Variants in PRR16 observed in about 807,000 individuals in gnomAD.
The protein encoded by PRR16 is protein Largen.
PRR16 carries 6 observed loss-of-function variants against 18.2 expected under a neutral mutation model. The ratio of observed to expected loss-of-function variants is 0.33; its 90% CI spans 0.18 to 0.65. The LOEUF (loss-of-function observed/expected upper bound fraction) is 0.65. PRR16 is among the 30% of genes least tolerant of loss of function. PRR16 has a pLI of 0.74. For synonymous variants in PRR16, 151 were observed against 147.8 expected (o/e 1.02, Z -0.16); for missense variants, 412 against 376.6 (o/e 1.09, Z -0.78).
chr5:120,469,805 G>T (rs954529839), intron 1 of PRR16, among the ~76,000 whole-genome samples: 2 of 152,128 alleles, frequency 1.3e-5, no homozygotes, highest in African/African-American at 4.8e-5. Context: ...TGATGGCCTA[G>T]CAGTTACCAA....
intron 1 of PRR16, among the ~76,000 whole-genome samples, chr5:120,479,031 T>C (rs975023942): frequency 1.3e-5 from 2 of 151,724 alleles, no homozygotes; most frequent in African/African-American, 4.8e-5. Context: ...AGAAATTAGG[T>C]AATATCACTC....
the PRR16 span, among the ~76,000 whole-genome samples, chr5:120,735,959 T>C: frequency 1.3e-5 from 2 of 152,180 alleles, no homozygotes; most frequent in East Asian, 3.9e-4. Context: ...TTAGGCCTTA[T>C]ATATTTTTAA....
At chr5:120,679,503 A>G (rs1256711938) in intron 1 of PRR16, among the ~76,000 whole-genome samples, 1 of 152,146 alleles carries the variant, frequency 6.6e-6, no homozygotes, top group Non-Finnish European at 1.5e-5. Context: ...TTCCTTTTCT[A>G]GGTGATTTAT....
intron 1 of PRR16, among the ~76,000 whole-genome samples, chr5:120,676,763 C>T (rs193255782): frequency 2.0e-5 from 3 of 152,108 alleles, no homozygotes; most frequent in South Asian, 2.1e-4. Context: ...AATATGATTC[C>T]TCTAGAAGTC....
At chr5:120,520,158 G>C (rs1292145995) in intron 1 of PRR16, among the ~76,000 whole-genome samples, 3 of 152,168 alleles carry the variant, frequency 2.0e-5, no homozygotes, top group Non-Finnish European at 2.9e-5. Flanking sequence ...CACTTTGGGA[G>C]GCCAAGGCGG....
intron 1 of PRR16, among the ~76,000 whole-genome samples, chr5:120,487,513 G>A (rs541457726): frequency 6.6e-6 from 1 of 152,278 alleles, no homozygotes; most frequent in East Asian, 1.9e-4. Flanking sequence ...CTGAGACTTT[G>A]CTGAAGTTGC....
chr5:120,575,628 A>G lies in PRR16; in HGVS notation c.160-110326A>G, dbSNP rs1017083833. Among the ~76,000 whole-genome samples, 31 of 152,124 alleles carry G rather than the reference A, an allele frequency of 2.0e-4. 1 individual carries two copies. Among genetic ancestry groups the G allele is most frequent in the Non-Finnish European group, 4.6e-4 (31 of 67,990 alleles). On this transcript the variant is annotated intron_variant, in intron 1 of 1. Coordinates refer to ENST00000407149, the MANE Select transcript of PRR16 (RefSeq NM_001300783.2). ...CATTCTTTTATGATAAAAACTCAAC[A>G]AACTATACAAGAAACACCTCAACAT... is the stretch of plus-strand genomic sequence containing the variant.
chr5:120,638,963 T>C (rs1755335641), intron 1 of PRR16, among the ~76,000 whole-genome samples: 1 of 152,122 alleles, frequency 6.6e-6, no homozygotes, highest in Non-Finnish European at 1.5e-5. Context: ...ATCTTATCTG[T>C]GCAATTAATT....
chr5:120,707,301 T>C, the PRR16 span, among the ~76,000 whole-genome samples: 1 of 152,160 alleles, frequency 6.6e-6, no homozygotes, highest in Non-Finnish European at 1.5e-5. Flanking sequence ...GACGTGACCA[T>C]AATTCTAATA....
the PRR16 span, among the ~76,000 whole-genome samples, chr5:120,700,148 T>C: frequency 2.0e-5 from 3 of 151,546 alleles, no homozygotes. Flanking sequence ...CACCACGGGG[T>C]GGATAGGCAA....
At position 120,590,103 on chromosome 5, in the gene PRR16, T is replaced by C. The variant is rs556420623; in HGVS notation, c.160-95851T>C. 5.3e-5 allele frequency among the ~76,000 whole-genome samples: 8 copies of C among 152,282 alleles called. No individual in the cohort carries two copies. The East Asian group carries it at 1.4e-3, about 26-fold the overall frequency. On this transcript the variant is annotated intron_variant, in intron 1 of 1. Transcript: ENST00000407149. Reference sequence around the variant, plus strand: ...ACATGATTTTCAGAAAACATTTAGCTGTAAGAGTAGTTTTACTCTCAACAG... The same window carrying C: ...ACATGATTTTCAGAAAACATTTAGCCGTAAGAGTAGTTTTACTCTCAACAG...
At chr5:120,690,690 T>G (rs902281793), downstream of PRR16, among the ~76,000 whole-genome samples, 1 of 152,114 alleles carries the variant, frequency 6.6e-6, no homozygotes, top group African/African-American at 2.4e-5. Context: ...CATTTTGGAG[T>G]CTTCGAATTC....
At chr5:120,787,363 C>A in the PRR16 span, among the ~76,000 whole-genome samples, 2 of 152,000 alleles carry the variant, frequency 1.3e-5, no homozygotes, top group Admixed American at 1.3e-4. Context: ...TCATACCAAC[C>A]AGTGAGAAGC....
Position 120,549,157 on chromosome 5 carries a change from G to T in PRR16, c.159+84512G>T, listed in dbSNP as rs74417598. Among the ~76,000 whole-genome samples the T allele has an allele frequency of 3.8e-3, 572 of 152,126 alleles. 4 individuals are homozygous for T. The highest frequency in any genetic ancestry group is 0.013 in the African/African-American group (559 of 41,528). Reference sequence around the variant, plus strand: ...CTCCTCCAGGCTGTAGTGTGATGGGGTGAATACTGCTCCCTGCAGCCTCTA... The same window carrying T: ...CTCCTCCAGGCTGTAGTGTGATGGGTTGAATACTGCTCCCTGCAGCCTCTA... On this transcript the variant is annotated intron_variant, in intron 1 of 1. Transcript: ENST00000407149.
intron 1 of PRR16, among the ~76,000 whole-genome samples, chr5:120,622,724 G>A (rs138893116): frequency 0.025 from 3,866 of 151,948 alleles, 160 homozygotes; most frequent in African/African-American, 0.081. Context: ...TGATCCACCC[G>A]CCTCAGCCTC....
chr5:120,755,146 A>C, the PRR16 span, among the ~76,000 whole-genome samples: 16,771 of 151,964 alleles, frequency 0.11, 1,230 homozygotes, highest in African/African-American at 0.2. Context: ...CATATGTAAC[A>C]AACCTGCACG....
the PRR16 span, among the ~76,000 whole-genome samples, chr5:120,761,838 A>G: frequency 6.6e-6 from 1 of 152,062 alleles, no homozygotes; most frequent in Non-Finnish European, 1.5e-5. Context: ...GTATGTTTGT[A>G]CCCATTTACC....
the PRR16 span, among the ~76,000 whole-genome samples, chr5:120,732,172 C>T: frequency 2.6e-5 from 4 of 152,300 alleles, no homozygotes; most frequent in East Asian, 3.9e-4. Context: ...TAGAGATATC[C>T]TCCTCAGAGT....
At chr5:120,614,036 T>C (rs572390319) in intron 1 of PRR16, among the ~76,000 whole-genome samples, 22 of 152,194 alleles carry the variant, frequency 1.4e-4, no homozygotes, top group Non-Finnish European at 1.6e-4. Context: ...ACAGATTCAA[T>C]TGGTAAGTAT....
Sources: gnomAD v4.1 joint callset for allele counts (sites outside exome capture counted in the v4.1 genomes callset) on GRCh38, gnomAD v4.1.1 for gene constraint, MANE v1.5 for transcripts, NCBI Gene and HGNC (gene_info 2026-07-23, HGNC 2026-07-21) for gene names.